Variants in AIRIM observed in about 807,000 individuals in gnomAD.
The protein encoded by AIRIM is AFG2-interacting ribosome maturation factor.
At chr1:37,682,984 A>G in the AIRIM span, 2 of 885,580 alleles carry the variant, frequency 2.3e-6, no homozygotes, top group Non-Finnish European at 3.5e-6. Context: ...AATCCTCCCC[A>G]AGACCCAGTC....
chr1:37,686,028 G>A, the AIRIM span, among the ~76,000 whole-genome samples: 1 of 151,838 alleles, frequency 6.6e-6, no homozygotes, highest in Non-Finnish European at 1.5e-5. Flanking sequence ...AACACTTATC[G>A]CCATTCAGCA....
chr1:37,689,744 G>A, the AIRIM span: 3 of 1,613,882 alleles, frequency 1.9e-6, no homozygotes, highest in Non-Finnish European at 2.5e-6. Context: ...CAGCTGTTCC[G>A]CCAGGTTGCT....
chr1:37,681,820 CTG>C, the AIRIM span: 7 of 151,958 alleles, frequency 4.6e-5, no homozygotes, highest in Non-Finnish European at 7.4e-5. Flanking sequence ...AAGAATATAA[CTG>C]TGTTGAGCTA....
the AIRIM span, chr1:37,686,563 G>A: frequency 2.7e-6 from 3 of 1,105,556 alleles, no homozygotes; most frequent in Non-Finnish European, 2.6e-6. Context: ...GTTGTGAAGG[G>A]CTGCCCTGTA....
At chr1:37,688,014 A>T in the AIRIM span, among the ~76,000 whole-genome samples, 2 of 150,814 alleles carry the variant, frequency 1.3e-5, no homozygotes, top group Non-Finnish European at 3.0e-5. Flanking sequence ...GAGCTGCCAT[A>T]CCCAGCTGAT....
the AIRIM span, chr1:37,691,088 G>C: frequency 6.6e-6 from 1 of 152,342 alleles, no homozygotes; most frequent in Non-Finnish European, 1.5e-5. Flanking sequence ...CAGGCACCCA[G>C]CAGACTGGGG....
chr1:37,691,322 C>T, the AIRIM span: 1 of 152,286 alleles, frequency 6.6e-6, no homozygotes, highest in Non-Finnish European at 1.5e-5. Flanking sequence ...TCGATTGTTC[C>T]TCAACTCAGA....
chr1:37,684,829 A>G, the AIRIM span, among the ~76,000 whole-genome samples: 1 of 152,048 alleles, frequency 6.6e-6, no homozygotes, highest in Admixed American at 6.5e-5. Flanking sequence ...TGAAGGCAGA[A>G]ACCTAAGCTA....
the AIRIM span, chr1:37,682,390 G>A: frequency 2.6e-5 from 4 of 152,464 alleles, no homozygotes; most frequent in Admixed American, 1.3e-4. Flanking sequence ...CCACCCCTGC[G>A]GCTACTCCAG....
the AIRIM span, among the ~76,000 whole-genome samples, chr1:37,684,524 C>T: frequency 3.3e-5 from 5 of 152,148 alleles, no homozygotes; most frequent in Admixed American, 2.6e-4. Flanking sequence ...GAGGCTGAGG[C>T]AGGAGAATTG....
chr1:37,689,859 G>C, the AIRIM span: 1 of 1,575,394 alleles, frequency 6.3e-7, no homozygotes, highest in African/African-American at 1.4e-5. Flanking sequence ...TGCACGGCAA[G>C]CAGAGGCCGG....
chr1:37,687,182 C>T, the AIRIM span, among the ~76,000 whole-genome samples: 1 of 151,472 alleles, frequency 6.6e-6, no homozygotes, highest in African/African-American at 2.4e-5. Flanking sequence ...GGCTGGAGTG[C>T]AATGGTGCGA....
the AIRIM span, chr1:37,682,559 T>G: frequency 6.5e-6 from 1 of 152,756 alleles, no homozygotes; most frequent in Non-Finnish European, 1.5e-5. Context: ...CTGCACCACC[T>G]CCCCCTGGTG....
the AIRIM span, among the ~76,000 whole-genome samples, chr1:37,684,899 C>T: frequency 5.3e-4 from 81 of 152,122 alleles, no homozygotes; most frequent in Non-Finnish European, 9.4e-4. Flanking sequence ...TGGCTCACAC[C>T]GGTACTCTTA....
chr1:37,682,450 C>CG, the AIRIM span: 1 of 152,610 alleles, frequency 6.6e-6, no homozygotes, highest in African/African-American at 2.4e-5. Context: ...AAAAAAACTC[C>CG]TGTCATTTTA....
chr1:37,687,922 T>TA, the AIRIM span, among the ~76,000 whole-genome samples: 1 of 151,876 alleles, frequency 6.6e-6, no homozygotes, highest in Non-Finnish European at 1.5e-5. Flanking sequence ...GGGATCTCAC[T>TA]ATGTTGCCCA....
At chr1:37,682,518 T>G in the AIRIM span, 1 of 152,644 alleles carries the variant, frequency 6.6e-6, no homozygotes, top group Admixed American at 6.5e-5. Context: ...AGGGGAACAC[T>G]TCAAAGACAA....
At chr1:37,692,128 C>T in the AIRIM span, 1 of 157,764 alleles carries the variant, frequency 6.3e-6, no homozygotes, top group Non-Finnish European at 1.4e-5. Flanking sequence ...CTCGGCTACT[C>T]AGTGGCAGCC....
the AIRIM span, chr1:37,683,650 C>T: frequency 2.0e-6 from 1 of 491,132 alleles, no homozygotes; most frequent in Non-Finnish European, 3.5e-6. Context: ...ATGAAACCAT[C>T]CCTGAAATCT....
Sources: gnomAD v4.1 joint callset for allele counts (sites outside exome capture counted in the v4.1 genomes callset) on GRCh38, gnomAD v4.1.1 for gene constraint, MANE v1.5 for transcripts, NCBI Gene and HGNC (gene_info 2026-07-23, HGNC 2026-07-21) for gene names.